ZNF804B: variants seen among roughly 807,000 people sequenced by gnomAD.
The protein encoded by ZNF804B is zinc finger protein 804B.
A neutral mutation model predicts 101.4 loss-of-function variants in ZNF804B; 80 were observed. The ratio of observed to expected loss-of-function variants is 0.79; its 90% CI spans 0.66 to 0.95. The LOEUF is 0.95. ZNF804B is among the 40% of genes least tolerant of loss of function. The probability of loss-of-function intolerance (pLI) is 0.00; values close to 1 mark genes in which losing one functional copy is unlikely to be tolerated. For synonymous variants in ZNF804B, 622 were observed against 558.8 expected, an observed-to-expected ratio of 1.11 and a Z score of -1.59; for missense variants, 1,673 against 1,561.9, an observed-to-expected ratio of 1.07 and a Z score of -1.20.
intron 1 of ZNF804B, among the ~76,000 whole-genome samples, chr7:88,847,611 G>A (rs768267272): frequency 1.3e-5 from 2 of 152,084 alleles, no homozygotes; most frequent in Non-Finnish European, 2.9e-5. Context: ...TACAGGGATG[G>A]TTGGGGCTCA....
At chr7:89,015,808 T>A (rs1344193638) in intron 1 of ZNF804B, among the ~76,000 whole-genome samples, 1 of 152,202 alleles carries the variant, frequency 6.6e-6, no homozygotes, top group East Asian at 1.9e-4. Context: ...CGTGTGCATG[T>A]GTCTTCATAG....
chr7:89,130,973 A>G (rs1790538059), intron 1 of ZNF804B, among the ~76,000 whole-genome samples: 1 of 152,004 alleles, frequency 6.6e-6, no homozygotes, highest in South Asian at 2.1e-4. Flanking sequence ...AAACTGGAAT[A>G]TAGCTTATAC....
intron 1 of ZNF804B, among the ~76,000 whole-genome samples, chr7:88,988,072 A>G (rs1278462360): frequency 1.3e-5 from 2 of 151,868 alleles, no homozygotes; most frequent in African/African-American, 2.4e-5. Context: ...AGAACATGCG[A>G]TATTTGTCCT....
chr7:88,963,499 C>G (rs528513526), intron 1 of ZNF804B, among the ~76,000 whole-genome samples: 2 of 151,264 alleles, frequency 1.3e-5, no homozygotes, highest in Non-Finnish European at 3.0e-5. Context: ...TTACCTTATA[C>G]CTTATACACA....
At chr7:89,193,274 T>TG (rs1017686921) in intron 1 of ZNF804B, among the ~76,000 whole-genome samples, 13 of 24,644 alleles carry the variant, frequency 5.3e-4, no homozygotes, top group African/African-American at 2.2e-3. Context: ...AAAAGCTTCG[T>TG]TTTTTTTTTT....
At chr7:89,106,808 A>G (rs1281810408) in intron 1 of ZNF804B, among the ~76,000 whole-genome samples, 1 of 152,148 alleles carries the variant, frequency 6.6e-6, no homozygotes, top group Non-Finnish European at 1.5e-5. Flanking sequence ...ATATGGAGGA[A>G]GAACTGGAGT....
At chr7:89,126,647 T>A (rs957096350) in intron 1 of ZNF804B, among the ~76,000 whole-genome samples, 1 of 150,906 alleles carries the variant, frequency 6.6e-6, no homozygotes, top group Non-Finnish European at 1.5e-5. Flanking sequence ...ATTATGGTAT[T>A]TGTGTGTGTG....
chr7:89,162,351 G>A (rs969137373), intron 1 of ZNF804B, among the ~76,000 whole-genome samples: 1 of 152,080 alleles, frequency 6.6e-6, no homozygotes, highest in Admixed American at 6.6e-5. Context: ...CCATCTAACT[G>A]TGTAGTTTTT....
At chr7:89,148,163 A>C (rs1468645277) in intron 1 of ZNF804B, among the ~76,000 whole-genome samples, 1 of 151,992 alleles carries the variant, frequency 6.6e-6, no homozygotes, top group Non-Finnish European at 1.5e-5. Context: ...AAATCTATTA[A>C]ACTTTCTAAA....
At chr7:89,164,373 A>T (rs1791110992) in intron 1 of ZNF804B, among the ~76,000 whole-genome samples, 1 of 152,052 alleles carries the variant, frequency 6.6e-6, no homozygotes, top group South Asian at 2.1e-4. Context: ...TTTGAAAGAA[A>T]CTATCGTGGA....
intron 1 of ZNF804B, among the ~76,000 whole-genome samples, chr7:88,986,053 T>C (rs1793756619): frequency 6.6e-6 from 1 of 152,120 alleles, no homozygotes; most frequent in Admixed American, 6.6e-5. Flanking sequence ...ATTTATAAAA[T>C]GCTAGCAGGA....
At chr7:89,091,220 A>G (rs6954549) in intron 1 of ZNF804B, among the ~76,000 whole-genome samples, 66,689 of 150,730 alleles carry the variant, frequency 0.44, 15,430 homozygotes, top group Non-Finnish European at 0.52. Context: ...AATGCCAGCT[A>G]GGAAAAAAAA....
chr7:89,120,023 C>T (rs1272892087), intron 1 of ZNF804B, among the ~76,000 whole-genome samples: 2 of 151,632 alleles, frequency 1.3e-5, no homozygotes, highest in African/African-American at 2.4e-5. Context: ...AGCTAATGCT[C>T]TTCACAGAAG....
At chr7:89,129,641 C>A (rs1790518011) in intron 1 of ZNF804B, among the ~76,000 whole-genome samples, 1 of 151,934 alleles carries the variant, frequency 6.6e-6, no homozygotes, top group African/African-American at 2.4e-5. Flanking sequence ...ATTTATTAAC[C>A]CCTCAAATGA....
intron 2 of ZNF804B, among the ~76,000 whole-genome samples, chr7:89,274,057 G>C (rs1789938485): frequency 6.6e-6 from 1 of 151,700 alleles, no homozygotes; most frequent in African/African-American, 2.4e-5. Flanking sequence ...CTCTTCCCCT[G>C]TGACTGATGA....
At chr7:89,075,377 C>T (rs1789601305) in intron 1 of ZNF804B, among the ~76,000 whole-genome samples, 1 of 152,122 alleles carries the variant, frequency 6.6e-6, no homozygotes, top group Non-Finnish European at 1.5e-5. Flanking sequence ...GCATCCCAGC[C>T]ACTCCAGCCA....
intron 2 of ZNF804B, among the ~76,000 whole-genome samples, chr7:89,240,369 G>A (rs1776657456): frequency 6.6e-6 from 1 of 151,654 alleles, no homozygotes. Context: ...GCTTTGCGTG[G>A]GTTTGTTCAT....
intron 1 of ZNF804B, among the ~76,000 whole-genome samples, chr7:89,108,687 A>G (rs1395108567): frequency 6.6e-6 from 1 of 152,166 alleles, no homozygotes; most frequent in African/African-American, 2.4e-5. Context: ...GTGACCTTTT[A>G]GAGAAACATT....
chr7:89,165,586 T>C (rs1791130085), intron 1 of ZNF804B, among the ~76,000 whole-genome samples: 1 of 152,060 alleles, frequency 6.6e-6, no homozygotes, highest in Admixed American at 6.6e-5. Context: ...AGGGAAGACA[T>C]ATGTGCAAAC....
Sources: allele counts gnomAD v4.1 joint callset (sites outside exome capture counted in the v4.1 genomes callset), GRCh38; gene constraint gnomAD v4.1.1; transcripts MANE v1.5; gene names NCBI Gene and HGNC (gene_info 2026-07-23, HGNC 2026-07-21).